PDXDC1: variants seen among roughly 807,000 people sequenced by gnomAD.
PDXDC1 encodes the protein pyridoxal-dependent decarboxylase domain-containing protein 1.
In PDXDC1, 42 loss-of-function variants were observed where a neutral mutation model predicts 100.1. That is an observed-to-expected ratio of 0.42 (90% CI 0.33 to 0.54). The LOEUF (loss-of-function observed/expected upper bound fraction) is 0.54, where lower values mean the gene tolerates loss of function less well. Among genes scored for constraint, PDXDC1 ranks in the 20% least tolerant of loss-of-function variants. The probability of loss-of-function intolerance (pLI) is 0.10; values close to 1 mark genes in which losing one functional copy is unlikely to be tolerated. For synonymous variants in PDXDC1, 260 were observed against 371.7 expected (o/e 0.70, Z 3.46); for missense variants, 636 against 979.2 (o/e 0.65, Z 4.68).
chr16:15,033,246 A>G, intron 18 of PDXDC1, 32 bp from the exon 19 acceptor site: 1 of 1,613,494 alleles, frequency 6.2e-7, no homozygotes, highest in African/African-American at 1.3e-5. Flanking sequence ...CAGAGGACTG[A>G]GAAACTCAAG....
intron 18 of PDXDC1, 52 bp from the exon 19 acceptor site, chr16:15,033,226 T>C: frequency 6.2e-7 from 1 of 1,606,616 alleles, no homozygotes; most frequent in South Asian, 1.1e-5. Flanking sequence ...GGTCCACGTC[T>C]CACCCATGAC....
intron 16 of PDXDC1, chr16:15,074,827 G>A (rs2045382955): frequency 1.2e-6 from 2 of 1,612,914 alleles, no homozygotes; most frequent in South Asian, 1.1e-5. Context: ...TTCAGGACCA[G>A]CCTTTGTTTC....
chr16:15,069,744 A>G (rs891067712), intron 16 of PDXDC1, among the ~76,000 whole-genome samples: 7 of 152,210 alleles, frequency 4.6e-5, no homozygotes, highest in Non-Finnish European at 1.0e-4. Flanking sequence ...GGTGCATCCA[A>G]CTGAAGCTTT....
At chr16:15,131,762 G>A (rs2048073950) in intron 16 of PDXDC1, 6 of 563,834 alleles carry the variant, frequency 1.1e-5, no homozygotes, top group Non-Finnish European at 1.4e-5. Context: ...GAGGGTGGGG[G>A]CAGGCAAAAA....
At chr16:15,011,918 C>T (rs2041332253) in intron 8 of PDXDC1, among the ~76,000 whole-genome samples, 1 of 152,284 alleles carries the variant, frequency 6.6e-6, no homozygotes, top group Admixed American at 6.5e-5. Flanking sequence ...CCTGCCTTGG[C>T]CTCCCAAAGT....
chr16:14,987,536 A>G (rs1969659074), intron 1 of PDXDC1, among the ~76,000 whole-genome samples: 3 of 152,292 alleles, frequency 2.0e-5, no homozygotes, highest in Non-Finnish European at 2.9e-5. Flanking sequence ...TCTGTGTCTG[A>G]CCCTGCACTC....
At chr16:15,100,770 G>C (rs1413476187) in intron 16 of PDXDC1, among the ~76,000 whole-genome samples, 3 of 152,110 alleles carry the variant, frequency 2.0e-5, no homozygotes, top group Non-Finnish European at 4.4e-5. Flanking sequence ...CTTGAGCCAG[G>C]AGCTTGAGAC....
At chr16:15,061,616 G>T (rs912721668) in intron 16 of PDXDC1, 2 of 781,202 alleles carry the variant, frequency 2.6e-6, no homozygotes, top group Non-Finnish European at 4.0e-6. Flanking sequence ...ACCTGGAAGT[G>T]CCACAGCCGA....
intron 1 of PDXDC1, among the ~76,000 whole-genome samples, chr16:14,982,820 G>T (rs1433047496): frequency 6.6e-6 from 1 of 152,256 alleles, no homozygotes; most frequent in Non-Finnish European, 1.5e-5. Flanking sequence ...ACTAGTGCTA[G>T]ACAGCAGGCA....
intron 16 of PDXDC1, among the ~76,000 whole-genome samples, chr16:15,100,045 TGCCCTCCTGTA>T (rs2046486346): frequency 6.6e-6 from 1 of 152,186 alleles, no homozygotes; most frequent in Non-Finnish European, 1.5e-5. Flanking sequence ...TTGGATAAGG[TGCCCTCCTGTA>T]ACCCTCCTGT....
intron 16 of PDXDC1, chr16:15,044,462 T>C (rs1814518188): frequency 1.8e-6 from 2 of 1,127,458 alleles, no homozygotes; most frequent in Admixed American, 1.7e-5. Flanking sequence ...GTGCGTGCGC[T>C]GGTCTCACTT....
At chr16:15,078,669 C>T (rs2151796665) in intron 16 of PDXDC1, among the ~76,000 whole-genome samples, 1 of 152,198 alleles carries the variant, frequency 6.6e-6, no homozygotes, top group South Asian at 2.1e-4. Context: ...CTGTCCTAAA[C>T]TGCATCTTTC....
chr16:15,064,585 C>G (rs1481519755), intron 16 of PDXDC1, among the ~76,000 whole-genome samples: 1 of 152,212 alleles, frequency 6.6e-6, no homozygotes, highest in Non-Finnish European at 1.5e-5. Context: ...GCACCCTCCC[C>G]TATCCTGGCA....
At chr16:15,096,211 C>T (rs2046351768) in intron 16 of PDXDC1, among the ~76,000 whole-genome samples, 1 of 151,934 alleles carries the variant, frequency 6.6e-6, no homozygotes, top group Admixed American at 6.6e-5. Flanking sequence ...CAGGTTCAAG[C>T]GATTCTTGTG....
Position 15,022,760 on chromosome 16 carries a change from G to GTAT in PDXDC1, c.1140+7_1140+9dup. ...TGAATTACATCAAAATCTTGGTATA[G>GTAT]TATATAAGTTCATCTGTTTTCAAAA... On this transcript the variant is annotated splice_region_variant and intron_variant, in intron 13 of 22. Coordinates refer to ENST00000396410, the MANE Select transcript of PDXDC1 (RefSeq NM_015027.4). 1 of 1,604,214 alleles carries GTAT rather than the reference G, an allele frequency of 6.2e-7. No individual in the cohort carries two copies. The highest frequency in any genetic ancestry group is 2.3e-5 in the East Asian group (1 of 44,354).
In PDXDC1 at chr16:15,128,045, G is replaced by A. The variant is rs1406264762; in HGVS notation, c.1400-10834G>A. On this transcript the variant is annotated intron_variant, in intron 16 of 16. Transcript: ENST00000535621. ...GCCCCCGTTGGCCTCCGTCTCCACCGAAAGCCAGTCATTGACCAGGAAGAA... is the reference window on the plus strand; with the variant it reads ...GCCCCCGTTGGCCTCCGTCTCCACCAAAAGCCAGTCATTGACCAGGAAGAA... The A allele has an allele frequency of 1.2e-5, 19 of 1,604,324 alleles. No individual in the cohort carries two copies. The African/African-American group carries it at 1.6e-4, about 14-fold the overall frequency.
At position 15,056,011 on chromosome 16, in the gene PDXDC1, GC is replaced by G. The variant is rs930992804; in HGVS notation, c.1399+25961del. On this transcript the variant is annotated intron_variant, in intron 16 of 16. Transcript: ENST00000535621. ...CCCAGGCAGGCCCAGGGAGGCGGCG[GC>G]CCCCCGCTTTGCAGCCCCGGGCCGC... The G allele has an allele frequency of 4.3e-4, 477 of 1,113,758 alleles. 1 individual carries two copies. The highest frequency in any genetic ancestry group is 5.2e-4 in the Non-Finnish European group (461 of 894,176). 69.0% of individuals were successfully genotyped at this position (1,113,758 alleles called of 1,614,324 possible). A position where few individuals can be genotyped will look rare whatever the true frequency, so the allele number is the denominator to read the frequency against.
chr16:14,982,105 C>T (rs1213756995), intron 1 of PDXDC1, among the ~76,000 whole-genome samples: 1 of 152,290 alleles, frequency 6.6e-6, no homozygotes, highest in Non-Finnish European at 1.5e-5. Context: ...CCTTTTCTTT[C>T]CTATTTTCTG....
chr16:15,108,547 T>C (rs906623582), intron 16 of PDXDC1: 1 of 86,660 alleles, frequency 1.2e-5, no homozygotes, highest in Non-Finnish European at 2.4e-5. Context: ...ACTTGGGAAC[T>C]AGAAACACAA....
Sources: allele counts gnomAD v4.1 joint callset (sites outside exome capture counted in the v4.1 genomes callset), GRCh38; gene constraint gnomAD v4.1.1; transcripts MANE v1.5; gene names NCBI Gene and HGNC (gene_info 2026-07-23, HGNC 2026-07-21).